The following SGCD variants were observed in gnomAD, a reference collection of about 807,000 sequenced individuals.
SGCD encodes delta-sarcoglycan.
SGCD carries 18 observed loss-of-function variants against 36.6 expected under a neutral mutation model. The observed-to-expected ratio is 0.49, with a 90% CI of 0.34 to 0.73. The LOEUF (loss-of-function observed/expected upper bound fraction) is 0.73, where lower values mean the gene tolerates loss of function less well. Among genes scored for constraint, SGCD ranks in the 30% least tolerant of loss-of-function variants. The pLI is 0.01. For synonymous variants in SGCD, 133 were observed against 130.6 expected (o/e 1.02, Z -0.12); for missense variants, 387 against 346.7 (o/e 1.12, Z -0.92).
chr5:156,441,162 T>C (rs944099749), intron 3 of SGCD, among the ~76,000 whole-genome samples: 16 of 152,132 alleles, frequency 1.1e-4, no homozygotes, highest in Non-Finnish European at 1.5e-4. Context: ...AGCATCTTTC[T>C]AGTTGATACA....
intron 2 of SGCD, among the ~76,000 whole-genome samples, chr5:156,339,188 T>G (rs1481462288): frequency 6.6e-6 from 1 of 152,232 alleles, no homozygotes; most frequent in Non-Finnish European, 1.5e-5. Context: ...TGGTAGTTTC[T>G]TCCCATCTAA....
rs1270306771 is a variant in SGCD at position 156,059,760 on chromosome 5, T to C, written c.-281-58118T>C. On this transcript the variant is annotated intron_variant, in intron 1 of 9. Coordinates refer to the SGCD transcript ENST00000517913. ...TTGGTAGTATAGTACCTGGAAACAG[T>C]GCACATGCAATAAATACAAGTCGTT... 2.0e-5 allele frequency among the ~76,000 whole-genome samples: 3 copies of C among 146,994 alleles called. 1 individual carries two copies. Among genetic ancestry groups the C allele is most frequent in the African/African-American group, 7.3e-5 (3 of 40,860 alleles).
At chr5:155,747,513 A>G in the SGCD span, among the ~76,000 whole-genome samples, 14 of 152,282 alleles carry the variant, frequency 9.2e-5, no homozygotes, top group East Asian at 2.7e-3. Context: ...TTGTTGGAGG[A>G]TAGGGACCTT....
rs1456610667 is a variant in SGCD at position 156,300,204 on chromosome 5, A to AT, written c.-43-29330_-43-29329insT. On this transcript the variant is annotated intron_variant, in intron 3 of 9. Transcript: ENST00000517913. ...CTAAAATGATTTAAAATACATCATT[A>AT]GATTATGTAAGTGTTTCCTTTTATT... is the stretch of plus-strand genomic sequence containing the variant. Among the ~76,000 whole-genome samples the AT allele has an allele frequency of 5.3e-5, 8 of 150,870 alleles. No individual in the cohort carries two copies. The South Asian group carries it at 6.2e-4, about 12-fold the overall frequency.
chr5:156,097,667 C>G (rs113855980), intron 1 of SGCD, among the ~76,000 whole-genome samples: 2 of 152,254 alleles, frequency 1.3e-5, no homozygotes, highest in Non-Finnish European at 2.9e-5. Flanking sequence ...TCAACACTTA[C>G]TTTCATATCT....
intron 7 of SGCD, among the ~76,000 whole-genome samples, chr5:156,668,602 T>G (rs1753159092): frequency 6.6e-6 from 1 of 152,236 alleles, no homozygotes; most frequent in Non-Finnish European, 1.5e-5. Flanking sequence ...TGTTGTATAT[T>G]CATCTTCTCT....
the SGCD span, among the ~76,000 whole-genome samples, chr5:155,841,062 T>C: frequency 0.055 from 8,045 of 145,022 alleles, 393 homozygotes; most frequent in East Asian, 0.13. Flanking sequence ...TGGGTGTGCT[T>C]ATTGCTACTT....
intron 3 of SGCD, among the ~76,000 whole-genome samples, chr5:156,442,406 G>A (rs1033055667): frequency 3.9e-5 from 6 of 152,286 alleles, no homozygotes; most frequent in East Asian, 1.9e-4. Context: ...AAGTCCCCAC[G>A]TCTCTGGAAG....
rs1029151735 is a variant in SGCD at position 156,525,446 on chromosome 5, A to G, written c.294+16744A>G. Reference sequence around the variant, plus strand: ...ATTTAGTTTTATGCTCTTGAGTTGCATGAGTTCTTTATATAGTTTTATTAT... The same window carrying G: ...ATTTAGTTTTATGCTCTTGAGTTGCGTGAGTTCTTTATATAGTTTTATTAT... On this transcript the variant is annotated intron_variant, in intron 4 of 8. Transcript: ENST00000337851. Among the ~76,000 whole-genome samples the G allele has an allele frequency of 2.6e-5, 4 of 152,150 alleles. No individual in the cohort carries two copies. The Middle Eastern group carries it at 0.014, about 521-fold the overall frequency.
At chr5:156,590,374 C>A (rs72801156) in intron 5 of SGCD, among the ~76,000 whole-genome samples, 2,012 of 152,204 alleles carry the variant, frequency 0.013, 20 homozygotes, top group Non-Finnish European at 0.02. Context: ...ATCTGCCAAT[C>A]AAGAAACTCA....
intron 3 of SGCD, among the ~76,000 whole-genome samples, chr5:156,505,962 A>G (rs1477155211): frequency 6.6e-6 from 1 of 152,224 alleles, no homozygotes; most frequent in Non-Finnish European, 1.5e-5. Context: ...AAAAAATGAG[A>G]AGAAAAATTG....
the SGCD span, among the ~76,000 whole-genome samples, chr5:155,804,714 C>A: frequency 6.6e-6 from 1 of 152,230 alleles, no homozygotes; most frequent in Admixed American, 6.5e-5. Context: ...GAGTTCTCTG[C>A]ATGGATCAAC....
chr5:155,881,381 A>G (rs244987), intron 1 of SGCD, among the ~76,000 whole-genome samples: 4,482 of 152,244 alleles, frequency 0.029, 88 homozygotes, highest in Non-Finnish European at 0.045. Flanking sequence ...GTGCATATAA[A>G]GTTTTGTTTA....
intron 4 of SGCD, among the ~76,000 whole-genome samples, chr5:156,564,219 G>A (rs941019412): frequency 4.6e-5 from 7 of 152,170 alleles, no homozygotes; most frequent in Non-Finnish European, 1.0e-4. Context: ...GGAGGCCGAG[G>A]CAGGCTGATC....
chr5:156,177,898 G>A (rs61351228), intron 3 of SGCD, among the ~76,000 whole-genome samples: 1 of 151,880 alleles, frequency 6.6e-6, no homozygotes, highest in Non-Finnish European at 1.5e-5. Flanking sequence ...TCACTTGGCA[G>A]CATTAAGGAT....
chr5:155,784,922 T>C, the SGCD span, among the ~76,000 whole-genome samples: 1 of 152,128 alleles, frequency 6.6e-6, no homozygotes, highest in Non-Finnish European at 1.5e-5. Context: ...ATTCAAGATT[T>C]TAAAATTGCT....
chr5:156,757,759 C>T (rs866156546), intron 8 of SGCD, 55 bp downstream of exon 8: 5 of 1,564,070 alleles, frequency 3.2e-6, no homozygotes, highest in East Asian at 2.3e-5. Context: ...CAGGCCAACC[C>T]TTCCCATAAC....
intron 3 of SGCD, among the ~76,000 whole-genome samples, chr5:156,201,463 A>G (rs1764149197): frequency 6.6e-6 from 1 of 152,180 alleles, no homozygotes; most frequent in Non-Finnish European, 1.5e-5. Flanking sequence ...TGCCATCATA[A>G]CACAATGTCA....
chr5:156,269,873 T>C (rs921341423), intron 3 of SGCD, among the ~76,000 whole-genome samples: 4 of 152,320 alleles, frequency 2.6e-5, no homozygotes, highest in South Asian at 4.2e-4. Flanking sequence ...AACTCTTAAG[T>C]TTAATTAGAT....
Sources: gnomAD v4.1 joint callset for allele counts (sites outside exome capture counted in the v4.1 genomes callset) on GRCh38, gnomAD v4.1.1 for gene constraint, MANE v1.5 for transcripts, NCBI Gene and HGNC (gene_info 2026-07-23, HGNC 2026-07-21) for gene names.